Variants in ZNF25 observed in about 807,000 individuals in gnomAD.
The protein encoded by ZNF25 is zinc finger protein 25.
In ZNF25, 21 loss-of-function variants were observed where a neutral mutation model predicts 30.9. The ratio of observed to expected loss-of-function variants is 0.68; its 90% CI spans 0.48 to 0.98. ZNF25 has a LOEUF of 0.98. Among genes scored for constraint, ZNF25 ranks in the 50% least tolerant of loss-of-function variants. ZNF25 has a pLI of 0.00. For synonymous variants in ZNF25, 169 were observed against 181.3 expected (o/e 0.93, Z 0.55); for missense variants, 501 against 529.9 (o/e 0.95, Z 0.54).
chr10:37,968,292 G>A (rs950027176), intron 2 of ZNF25, among the ~76,000 whole-genome samples: 3 of 151,858 alleles, frequency 2.0e-5, no homozygotes, highest in Non-Finnish European at 2.9e-5. Flanking sequence ...TCCTGACCTC[G>A]TGATCCGCCT....
In ZNF25 at chr10:37,950,977, A is replaced by C. The variant is rs952059250; in HGVS notation, c.*1150T>G. On this transcript the variant is annotated 3_prime_UTR_variant, in exon 6 of 6. Coordinates refer to ENST00000302609, the MANE Select transcript of ZNF25 (RefSeq NM_145011.4). Reference sequence around the variant, plus strand: ...ATTGCACTATTTGTTTTCATTGTGGAGATTGTAATAAATACTACTGTTTTT... The same window carrying C: ...ATTGCACTATTTGTTTTCATTGTGGCGATTGTAATAAATACTACTGTTTTT... 1 of 152,212 alleles carries C rather than the reference A, an allele frequency of 6.6e-6. No individual in the cohort carries two copies. The highest frequency in any genetic ancestry group is 1.5e-5 in the Non-Finnish European group (1 of 68,032). The allele number at this position is 152,212 out of a possible 1,614,324, so 9.4% of individuals were successfully genotyped here.
chr10:37,953,886 A>C, intron 4 of ZNF25, 128 bp from the exon 5 acceptor site: 5 of 846,496 alleles, frequency 5.9e-6, no homozygotes, highest in Non-Finnish European at 5.5e-6. Context: ...CCTCTAGCCC[A>C]TTGTTTTGGG....
intron 2 of ZNF25, among the ~76,000 whole-genome samples, chr10:37,957,988 C>T (rs1220909034): frequency 6.6e-6 from 1 of 152,188 alleles, no homozygotes; most frequent in African/African-American, 2.4e-5. Context: ...GGCTACACCA[C>T]ATAGCCTAGG....
chr10:37,950,238 G>A lies in ZNF25; in HGVS notation c.*1889C>T, dbSNP rs1304036888. ...TGGGGTAGTGCAAAGACAGCCACAGGTCAAACATAAATAGGTGTTTTTTGT... is the reference window on the plus strand; with the variant it reads ...TGGGGTAGTGCAAAGACAGCCACAGATCAAACATAAATAGGTGTTTTTTGT... On this transcript the variant is annotated 3_prime_UTR_variant, in exon 6 of 6. Coordinates refer to ENST00000302609, the MANE Select transcript of ZNF25 (RefSeq NM_145011.4). 1 of 152,612 alleles carries A rather than the reference G, an allele frequency of 6.6e-6. No homozygotes were observed. Among genetic ancestry groups the A allele is most frequent in the Admixed American group, 6.5e-5 (1 of 15,276 alleles). 9.5% of individuals were successfully genotyped at this position (152,612 alleles called of 1,614,324 possible).
At chr10:37,959,605 AT>A (rs202046953) in intron 2 of ZNF25, among the ~76,000 whole-genome samples, 23 of 146,944 alleles carry the variant, frequency 1.6e-4, no homozygotes, top group African/African-American at 5.0e-4. Flanking sequence ...TTCTTGGTTC[AT>A]TTTTTTTTTC....
Position 37,952,704 on chromosome 10 carries a change from T to C in ZNF25, c.794A>G (p.Lys265Arg). 1 of 1,613,922 alleles carries C rather than the reference T, an allele frequency of 6.2e-7. No homozygotes were observed. Among genetic ancestry groups the C allele is most frequent in the African/African-American group, 1.3e-5 (1 of 75,014 alleles). Reference sequence around the variant, plus strand: ...GAGGTGTGACTTCTGGGAAAAGGCTTTCCCACACTCCTTACACTCATAGGG... The same window carrying C: ...GAGGTGTGACTTCTGGGAAAAGGCTCTCCCACACTCCTTACACTCATAGGG... ...EKPYECKECG[K>R]AFSQKSHLTV... The change falls in exon 6 of 6, where the codon AAA becomes AGA. Residue 265 changes from lysine to arginine, a missense_variant. Physicochemically the swap from Lys to Arg is conservative, Grantham distance 26. Coordinates refer to ENST00000302609, the MANE Select transcript of ZNF25 (RefSeq NM_145011.4).
At chr10:37,970,510 T>C (rs1252603058) in intron 2 of ZNF25, among the ~76,000 whole-genome samples, 1 of 152,224 alleles carries the variant, frequency 6.6e-6, no homozygotes, top group Non-Finnish European at 1.5e-5. Context: ...ATCCATAGTT[T>C]ATACCATCCT....
intron 1 of ZNF25, among the ~76,000 whole-genome samples, chr10:37,973,813 G>A (rs1290278966): frequency 2.0e-5 from 3 of 151,904 alleles, no homozygotes; most frequent in Non-Finnish European, 4.4e-5. Context: ...CAAAGACCCC[G>A]AGTAGCCAAA....
chr10:37,961,114 G>A (rs11011413), intron 2 of ZNF25, among the ~76,000 whole-genome samples: 5,236 of 152,236 alleles, frequency 0.034, 135 homozygotes, highest in Non-Finnish European at 0.054. Flanking sequence ...ACCAAGAGCT[G>A]ATGAAAAGAC....
rs573488321 is a variant in ZNF25 at position 37,950,073 on chromosome 10, C to G, written c.*2054G>C. On this transcript the variant is annotated 3_prime_UTR_variant, in exon 6 of 6. Coordinates refer to ENST00000302609, the MANE Select transcript of ZNF25 (RefSeq NM_145011.4). ...CTACAAATTGCTGTATGCATCATTT[C>G]TGAAACATGAAATACTTATAAAAGC... The G allele has an allele frequency of 6.5e-6, 1 of 152,690 alleles. No individual in the cohort carries two copies. Among genetic ancestry groups the G allele is most frequent in the East Asian group, 1.9e-4 (1 of 5,190 alleles). 9.5% of individuals were successfully genotyped at this position (152,690 alleles called of 1,614,324 possible). A position where few individuals can be genotyped will look rare whatever the true frequency, so the allele number is the denominator to read the frequency against.
intron 3 of ZNF25, 118 bp downstream of exon 3, chr10:37,957,302 C>T (rs553572868): frequency 2.9e-5 from 40 of 1,388,012 alleles, no homozygotes; most frequent in South Asian, 1.3e-4. Context: ...TTATTAACTT[C>T]GACCTCTGAA....
At chr10:37,965,410 AG>A (rs1226397169) in intron 2 of ZNF25, among the ~76,000 whole-genome samples, 2 of 152,356 alleles carry the variant, frequency 1.3e-5, no homozygotes, top group African/African-American at 4.8e-5. Context: ...CCAGTCATTA[AG>A]ATTAATCCAT....
At chr10:37,971,849 C>A in intron 1 of ZNF25, 42 bp from the exon 2 acceptor site, 1 of 1,335,972 alleles carries the variant, frequency 7.5e-7, no homozygotes, top group Non-Finnish European at 1.1e-6. Flanking sequence ...AAATATATAC[C>A]TTTGAGAAAA....
rs954254595 is a variant in ZNF25, at chr10:37,950,756, T to A, written c.*1371A>T. ...GGATGGGAACTGAGGCACAGAGATA[T>A]TAAGTAGCATGCCCCATGCTGGAAT... On this transcript the variant is annotated 3_prime_UTR_variant, in exon 6 of 6. Coordinates refer to ENST00000302609, the MANE Select transcript of ZNF25 (RefSeq NM_145011.4). The A allele has an allele frequency of 6.6e-6, 1 of 152,094 alleles. No individual in the cohort carries two copies. The highest frequency in any genetic ancestry group is 2.4e-5 in the African/African-American group (1 of 41,392). The allele number at this position is 152,094 out of a possible 1,614,324, so 9.4% of individuals were successfully genotyped here.
rs570212754 is a variant in ZNF25 at position 37,955,222 on chromosome 10, G to A, written c.239-1464C>T. ...GTAAAATGGAGATTAACAGGTGTTT[G>A]GGGGCCACAAGGAGAAATAAGTTGC... On this transcript the variant is annotated intron_variant, in intron 4 of 5. Coordinates refer to ENST00000302609, the MANE Select transcript of ZNF25 (RefSeq NM_145011.4). Among the ~76,000 whole-genome samples the A allele has an allele frequency of 1.6e-4, 24 of 152,242 alleles. No homozygotes were observed. In the South Asian group the frequency reaches 4.8e-3, roughly 30 times the overall value.
intron 4 of ZNF25, among the ~76,000 whole-genome samples, 158 bp from the exon 5 acceptor site, chr10:37,953,916 A>T (rs769296902): frequency 1.3e-5 from 2 of 152,236 alleles, no homozygotes; most frequent in South Asian, 4.1e-4. Context: ...TAAAACAAAC[A>T]CTGAAAACTG....
chr10:37,955,889 G>A (rs1356943758), intron 4 of ZNF25, among the ~76,000 whole-genome samples: 1 of 152,064 alleles, frequency 6.6e-6, no homozygotes, highest in African/African-American at 2.4e-5. Context: ...TCACCATGTT[G>A]GCCAGGCTGG....
chr10:37,955,358 T>C (rs1174492515), intron 4 of ZNF25, among the ~76,000 whole-genome samples: 1 of 152,180 alleles, frequency 6.6e-6, no homozygotes, highest in Non-Finnish European at 1.5e-5. Context: ...GACTTAATAC[T>C]GAGTCAGTAT....
intron 2 of ZNF25, among the ~76,000 whole-genome samples, chr10:37,964,405 C>A (rs2103936): frequency 2.0e-5 from 3 of 152,102 alleles, no homozygotes; most frequent in African/African-American, 4.8e-5. Flanking sequence ...ATTAAATGGT[C>A]GTGACCAAAA....
Sources: allele counts gnomAD v4.1 joint callset (sites outside exome capture counted in the v4.1 genomes callset), GRCh38; gene constraint gnomAD v4.1.1; transcripts MANE v1.5; gene names NCBI Gene and HGNC (gene_info 2026-07-23, HGNC 2026-07-21).